Variants in STRADA observed in about 807,000 individuals in gnomAD.
STRADA encodes the protein STE20-related kinase adapter protein alpha.
A neutral mutation model predicts 55.0 loss-of-function variants in STRADA; 26 were observed. The ratio of observed to expected loss-of-function variants is 0.47; its 90% CI spans 0.35 to 0.66. The LOEUF (loss-of-function observed/expected upper bound fraction) is 0.66. STRADA is among the 30% of genes least tolerant of loss of function. The pLI, the probability that STRADA is intolerant of heterozygous loss-of-function variation, is 0.01. For missense variants in STRADA, 443 were observed against 549.7 expected (o/e 0.81, Z 1.94); for synonymous variants, 197 against 210.9 (o/e 0.93, Z 0.57).
At chr17:63,735,228 A>G (rs761582214) in intron 1 of STRADA, among the ~76,000 whole-genome samples, 1 of 152,244 alleles carries the variant, frequency 6.6e-6, no homozygotes, top group Non-Finnish European at 1.5e-5. Flanking sequence ...TAAGGTTAAA[A>G]CATGGCTAAA....
At chr17:63,715,336 T>C (rs1315303336) in intron 4 of STRADA, 3 of 152,196 alleles carry the variant, frequency 2.0e-5, no homozygotes, top group African/African-American at 7.2e-5. Context: ...AAGGAGATTA[T>C]GTGACTTGCC....
At position 63,710,504 on chromosome 17, in the gene STRADA, C is replaced by A; in HGVS notation, c.568G>T (p.Gly190Ter). 6.2e-7 allele frequency: 1 copy of A among 1,613,730 alleles called. No individual in the cohort carries two copies. The highest frequency in any genetic ancestry group is 8.5e-7 in the Non-Finnish European group (1 of 1,179,860). The change falls in exon 8 of 13, where the codon GGA becomes TGA. Residue 190 changes from glycine to a stop codon, truncating the protein, a stop_gained. Transcript: ENST00000336174. LOFTEE classifies it high-confidence loss of function. Reference protein sequence around the residue: ...LKALDYIHHMGYVHRSVKASH... With the variant: ...LKALDYIHHM ...CTAAGAACGCACCTGTGTACATATCCCATGTGGTGGATGTAGTCGAGGGCC... is the reference window on the plus strand; with the variant it reads ...CTAAGAACGCACCTGTGTACATATCACATGTGGTGGATGTAGTCGAGGGCC...
intron 12 of STRADA, 114 bp from the exon 13 acceptor site, chr17:63,703,865 G>C: frequency 3.1e-6 from 5 of 1,611,662 alleles, no homozygotes; most frequent in Non-Finnish European, 4.2e-6. Context: ...AACTCCATGA[G>C]AGGAAGGAGC....
At chr17:63,710,327 C>T (rs2036413113) in intron 8 of STRADA, 164 bp downstream of exon 8, 23 of 1,232,342 alleles carry the variant, frequency 1.9e-5, no homozygotes, top group Middle Eastern at 2.9e-4. Flanking sequence ...TGAGCCATCG[C>T]GCTGGGCCCT....
At chr17:63,724,953 AT>A (rs1271738600) in intron 3 of STRADA, among the ~76,000 whole-genome samples, 1 of 152,166 alleles carries the variant, frequency 6.6e-6, no homozygotes, top group Non-Finnish European at 1.5e-5. Context: ...GTTAGGGAAA[AT>A]AATAGGTACC....
rs540356901 is a variant in STRADA, at chr17:63,721,909, C to A, written c.123+1389G>T. Among the ~76,000 whole-genome samples the A allele has an allele frequency of 2.0e-5, 3 of 152,150 alleles. No individual in the cohort carries two copies. In the South Asian group the frequency reaches 6.2e-4, roughly 32 times the overall value. The stretch of plus-strand genomic sequence containing the variant: ...GTATAGGTCCGAACTCAAAGAGAGA[C>A]CAAACTTCATTTAGGAAAACAAACA... On this transcript the variant is annotated intron_variant, in intron 4 of 12. Transcript: ENST00000336174.
intron 6 of STRADA, among the ~76,000 whole-genome samples, chr17:63,712,829 C>G (rs557779270): frequency 6.6e-6 from 1 of 151,592 alleles, no homozygotes; most frequent in African/African-American, 2.4e-5. Flanking sequence ...GAAGAAACCC[C>G]GTCTTTTCTA....
chr17:63,740,121 T>TATATAC (rs2038801178), intron 1 of STRADA, among the ~76,000 whole-genome samples: 1 of 83,542 alleles, frequency 1.2e-5, no homozygotes, highest in African/African-American at 6.0e-5. Flanking sequence ...TACATACATA[T>TATATAC]ATATATACAC....
At chr17:63,735,248 A>C (rs901283647) in intron 1 of STRADA, among the ~76,000 whole-genome samples, 2 of 152,270 alleles carry the variant, frequency 1.3e-5, no homozygotes, top group Non-Finnish European at 2.9e-5. Flanking sequence ...AGGCTCATTA[A>C]GAGTAACCTG....
intron 4 of STRADA, among the ~76,000 whole-genome samples, chr17:63,720,924 C>T (rs777689802): frequency 6.6e-6 from 1 of 150,908 alleles, no homozygotes; most frequent in East Asian, 2.0e-4. Context: ...TGGTGAAACC[C>T]TGTCTCTACT....
At chr17:63,732,732 T>G (rs888891767) in intron 1 of STRADA, among the ~76,000 whole-genome samples, 1 of 151,092 alleles carries the variant, frequency 6.6e-6, no homozygotes, top group African/African-American at 2.4e-5. Flanking sequence ...GAGGCAGAGG[T>G]TGAAGTGAGC....
chr17:63,716,022 A>G (rs755751240), intron 4 of STRADA, among the ~76,000 whole-genome samples: 12 of 151,998 alleles, frequency 7.9e-5, no homozygotes, highest in Non-Finnish European at 1.2e-4. Context: ...TGAACAATCA[A>G]CTGTTTGAGA....
chr17:63,722,506 T>C (rs987864298), intron 4 of STRADA, among the ~76,000 whole-genome samples: 13 of 152,242 alleles, frequency 8.5e-5, no homozygotes, highest in African/African-American at 3.1e-4. Context: ...TTGGATCTGA[T>C]AGAGAGGTGC....
At chr17:63,704,739 C>G in intron 10 of STRADA, 157 bp from the exon 11 acceptor site, 1 of 1,521,620 alleles carries the variant, frequency 6.6e-7, no homozygotes, top group Non-Finnish European at 8.8e-7. Context: ...GTCCAATTTT[C>G]CCAAAGAAAC....
rs1314916387 is a variant in STRADA, at chr17:63,703,352, C to G, written c.*247G>C. ...GAGGAGGTCACCTGAGCTCACAGGA[C>G]TGGGAATGTCGGCTTTGGACCCTCC... On this transcript the variant is annotated 3_prime_UTR_variant, in exon 13 of 13. Coordinates refer to ENST00000336174, the MANE Select transcript of STRADA (RefSeq NM_001003787.4). 2.2e-6 allele frequency: 1 copy of G among 444,516 alleles called. No individual in the cohort carries two copies. Among genetic ancestry groups the G allele is most frequent in the African/African-American group, 2.0e-5 (1 of 50,164 alleles). 27.5% of individuals were successfully genotyped at this position (444,516 alleles called of 1,614,324 possible).
At chr17:63,731,018 A>G (rs1050756382) in intron 1 of STRADA, among the ~76,000 whole-genome samples, 7 of 151,244 alleles carry the variant, frequency 4.6e-5, no homozygotes, top group Admixed American at 1.3e-4. Flanking sequence ...ATCTTGGCTC[A>G]CTGCAACCTC....
chr17:63,736,910 A>G (rs1355044737), intron 1 of STRADA, among the ~76,000 whole-genome samples: 2 of 149,748 alleles, frequency 1.3e-5, no homozygotes, highest in Admixed American at 1.3e-4. Flanking sequence ...CTATATTTTA[A>G]AAGTCAAAGT....
chr17:63,724,460 G>C (rs1273342328), intron 3 of STRADA, among the ~76,000 whole-genome samples: 1 of 114,072 alleles, frequency 8.8e-6, no homozygotes. Context: ...TTTTTTTTTT[G>C]AGACGGAGTC....
intron 10 of STRADA, chr17:63,705,479 A>T (rs1334641491): frequency 6.2e-6 from 1 of 161,034 alleles, no homozygotes; most frequent in Non-Finnish European, 1.4e-5. Flanking sequence ...GATCTCCTAG[A>T]TTCCTCACAT....
Sources: allele counts gnomAD v4.1 joint callset (sites outside exome capture counted in the v4.1 genomes callset), GRCh38; gene constraint gnomAD v4.1.1; transcripts MANE v1.5; gene names NCBI Gene and HGNC (gene_info 2026-07-23, HGNC 2026-07-21).